The following TWIST2 variants were observed in gnomAD, a reference collection of about 807,000 sequenced individuals.
The protein encoded by TWIST2 is twist-related protein 2.
Under a neutral mutation model 11.6 loss-of-function variants are expected in TWIST2, and 1 was observed. The observed-to-expected ratio is 0.09, with a 90% confidence interval of 0.03 to 0.41. TWIST2 has a LOEUF of 0.41. TWIST2 is among the 10% of genes least tolerant of loss of function. The pLI is 0.98. For missense variants in TWIST2, 168 were observed against 226.4 expected (o/e 0.74, Z 1.66); for synonymous variants, 87 against 96.6 (o/e 0.90, Z 0.58).
At chr2:238,860,924 C>T (rs1310581425) in intron 1 of TWIST2, among the ~76,000 whole-genome samples, 1 of 152,136 alleles carries the variant, frequency 6.6e-6, no homozygotes, top group Non-Finnish European at 1.5e-5. Flanking sequence ...GGTGACAGAG[C>T]AAGACTCCAC....
chr2:238,870,579 A>C (rs1489512898), intron 1 of TWIST2, among the ~76,000 whole-genome samples: 2 of 57,676 alleles, frequency 3.5e-5, no homozygotes, highest in Admixed American at 1.9e-4. Context: ...CACACACCAC[A>C]CACACACACC....
intron 1 of TWIST2, among the ~76,000 whole-genome samples, chr2:238,891,159 TGTTA>T (rs1346660203): frequency 2.0e-5 from 3 of 152,238 alleles, no homozygotes; most frequent in Admixed American, 6.5e-5. Flanking sequence ...TGCAGCCTTT[TGTTA>T]GAGTCTGATG....
intron 1 of TWIST2, among the ~76,000 whole-genome samples, chr2:238,900,164 T>C (rs1255794098): frequency 1.3e-5 from 2 of 152,248 alleles, no homozygotes; most frequent in Non-Finnish European, 2.9e-5. Flanking sequence ...CTGATGGCTA[T>C]CGATACATTT....
rs1226106203 is a variant in TWIST2, at chr2:238,864,653, C to T, written c.*35+15920C>T. On this transcript the variant is annotated intron_variant, in intron 1 of 1. Transcript: ENST00000612363. This position sits in a 1 kb window ranked among gnomAD's most constrained non-coding sequence, Gnocchi z 4.7. ...CCAGAGGCTGGTACCCTCCGAGGTG[C>T]GGGAGAAGAGGAGGTGGGAGGGTGC... 1.3e-5 allele frequency among the ~76,000 whole-genome samples: 2 copies of T among 152,124 alleles called. No homozygotes were observed. The highest frequency in any genetic ancestry group is 2.9e-5 in the Non-Finnish European group (2 of 68,004).
intron 1 of TWIST2, among the ~76,000 whole-genome samples, chr2:238,889,096 C>G (rs74000308): frequency 0.052 from 7,890 of 152,246 alleles, 679 homozygotes; most frequent in African/African-American, 0.18. Context: ...ATCCCTGGAG[C>G]CCTGGATCCC....
intron 1 of TWIST2, among the ~76,000 whole-genome samples, chr2:238,857,734 C>T (rs1395523262): frequency 1.3e-5 from 2 of 151,942 alleles, no homozygotes; most frequent in Non-Finnish European, 2.9e-5. Flanking sequence ...GCCAGGAGTT[C>T]GAGACCAGCC....
chr2:238,907,879 CCACA>C, intron 1 of TWIST2, among the ~76,000 whole-genome samples: 1 of 103,998 alleles, frequency 9.6e-6, no homozygotes, highest in South Asian at 3.8e-4. Flanking sequence ...TACACACACA[CCACA>C]CAAACACACT....
chr2:238,880,403 ATTAGTG>A (rs1692895558), intron 1 of TWIST2, among the ~76,000 whole-genome samples: 1 of 125,168 alleles, frequency 8.0e-6, no homozygotes, highest in Non-Finnish European at 1.6e-5. Context: ...GTTAGTATTT[ATTAGTG>A]TTAGTGTTGG....
chr2:238,869,467 T>C (rs957908118), intron 1 of TWIST2, among the ~76,000 whole-genome samples: 1 of 152,228 alleles, frequency 6.6e-6, no homozygotes, highest in Non-Finnish European at 1.5e-5. Flanking sequence ...AGGAGAGAAC[T>C]ATCCAGAAGA....
intron 1 of TWIST2, among the ~76,000 whole-genome samples, chr2:238,907,505 G>C (rs1263749275): frequency 6.6e-6 from 1 of 152,144 alleles, no homozygotes; most frequent in African/African-American, 2.4e-5. Flanking sequence ...ACAGCTGGTT[G>C]CAGCCCCAGA....
chr2:238,858,217 G>C (rs907814020), intron 1 of TWIST2, among the ~76,000 whole-genome samples: 6 of 152,142 alleles, frequency 3.9e-5, no homozygotes, highest in African/African-American at 1.4e-4. Context: ...CGCATCCACC[G>C]GGCTTTCTCC....
At chr2:238,868,850 C>G (rs1009727775) in intron 1 of TWIST2, among the ~76,000 whole-genome samples, 2 of 152,236 alleles carry the variant, frequency 1.3e-5, no homozygotes, top group Non-Finnish European at 2.9e-5. Flanking sequence ...CCGGCCGGTG[C>G]AGGGGCTTGT....
chr2:238,896,227 C>A (rs926063303), intron 1 of TWIST2, among the ~76,000 whole-genome samples: 1 of 152,176 alleles, frequency 6.6e-6, no homozygotes, highest in African/African-American at 2.4e-5. Context: ...CAGACCCTGA[C>A]GGCGAACGCC....
chr2:238,855,788 T>C (rs888036515), intron 1 of TWIST2, among the ~76,000 whole-genome samples: 22 of 152,144 alleles, frequency 1.4e-4, no homozygotes, highest in African/African-American at 5.3e-4. Flanking sequence ...AAATACAGAA[T>C]GGCCGAGGAC....
chr2:238,893,496 T>G (rs1693173051), intron 1 of TWIST2, among the ~76,000 whole-genome samples: 1 of 152,158 alleles, frequency 6.6e-6, no homozygotes, highest in Non-Finnish European at 1.5e-5. Flanking sequence ...AAGCACAGCC[T>G]GTGCCTCTCC....
chr2:238,870,337 C>A lies in TWIST2; in HGVS notation c.*35+21604C>A, dbSNP rs868067018. Among the ~76,000 whole-genome samples, 5 of 69,264 alleles carry A rather than the reference C, an allele frequency of 7.2e-5. 1 individual carries two copies. Among genetic ancestry groups the A allele is most frequent in the Admixed American group, 1.5e-4 (1 of 6,818 alleles). 45.4% of individuals were successfully genotyped at this position (69,264 alleles called of 152,430 possible). On this transcript the variant is annotated intron_variant, in intron 1 of 1. Coordinates refer to ENST00000612363, the MANE Select transcript of TWIST2 (RefSeq NM_001271893.4). ...CACACCCCCACACACCCCACACACC[C>A]CACACACACCACACACCCCACACAC...
rs1361289813 is a variant in TWIST2 at position 238,904,986 on chromosome 2, AAAG to A, written c.*36-4850_*36-4848del. The stretch of plus-strand genomic sequence containing the variant: ...GGAAGGAAGGAAGAGAGAAAGAAAA[AAAG>A]AAGAAAGAAAGAAAAGAAAGGAAGG... On this transcript the variant is annotated intron_variant, in intron 1 of 1. Coordinates refer to ENST00000612363, the MANE Select transcript of TWIST2 (RefSeq NM_001271893.4). 3.6e-3 allele frequency among the ~76,000 whole-genome samples: 549 copies of A among 152,180 alleles called. 4 individuals carry two copies. The highest frequency in any genetic ancestry group is 0.027 in the Middle Eastern group (8 of 294).
chr2:238,907,221 C>T (rs2106376339), intron 1 of TWIST2, among the ~76,000 whole-genome samples: 1 of 152,338 alleles, frequency 6.6e-6, no homozygotes, highest in Admixed American at 6.5e-5. Flanking sequence ...AGTGGCGTGT[C>T]CCCTGCCCTG....
chr2:238,898,619 G>A (rs1010857499), intron 1 of TWIST2, among the ~76,000 whole-genome samples: 1 of 152,260 alleles, frequency 6.6e-6, no homozygotes, highest in Non-Finnish European at 1.5e-5. Flanking sequence ...CAGCTGCCCC[G>A]AGGGGGCTGG....
Sources: gnomAD v4.1 joint callset for allele counts (sites outside exome capture counted in the v4.1 genomes callset) on GRCh38, gnomAD v4.1.1 for gene constraint, Gnocchi (gnomAD v3.1) non-coding constraint, MANE v1.5 for transcripts, NCBI Gene and HGNC (gene_info 2026-07-23, HGNC 2026-07-21) for gene names.